ASAP1: variants seen among roughly 807,000 people sequenced by gnomAD.
The protein encoded by ASAP1 is arf-GAP with SH3 domain, ANK repeat and PH domain-containing protein 1.
A neutral mutation model predicts 145.2 loss-of-function variants in ASAP1; 43 were observed. The observed-to-expected ratio is 0.30, with a 90% CI of 0.23 to 0.38. The LOEUF is 0.38. ASAP1 is among the 10% of genes least tolerant of loss of function. The pLI, the probability that ASAP1 is intolerant of heterozygous loss-of-function variation, is 1.00. For synonymous variants in ASAP1, 546 were observed against 515.5 expected, an observed-to-expected ratio of 1.06 and a Z score of -0.80; for missense variants, 1,018 against 1,355.3, an observed-to-expected ratio of 0.75 and a Z score of 3.91.
chr8:130,437,661 G>C (rs542303322), intron 1 of ASAP1, among the ~76,000 whole-genome samples: 1 of 151,992 alleles, frequency 6.6e-6, no homozygotes, highest in South Asian at 2.1e-4. Context: ...GTTACACACA[G>C]GACAAGTTTT....
intron 15 of ASAP1, among the ~76,000 whole-genome samples, chr8:130,129,425 C>G (rs187197804): frequency 3.9e-5 from 6 of 152,254 alleles, no homozygotes; most frequent in African/African-American, 1.2e-4. Flanking sequence ...TTGTGCCTTT[C>G]TATAATTTTT....
At chr8:130,298,185 T>C (rs1253899476) in intron 3 of ASAP1, among the ~76,000 whole-genome samples, 1 of 152,226 alleles carries the variant, frequency 6.6e-6, no homozygotes, top group Non-Finnish European at 1.5e-5. Flanking sequence ...TCCAACACTT[T>C]AGCCCAGTGT....
At chr8:130,079,046 T>A (rs2097472026) in intron 26 of ASAP1, among the ~76,000 whole-genome samples, 1 of 151,852 alleles carries the variant, frequency 6.6e-6, no homozygotes, top group African/African-American at 2.4e-5. Context: ...AATAAAAAAA[T>A]CAGCTGAGTA....
chr8:130,237,037 A>T (rs1586656428), intron 3 of ASAP1, 43 bp from the exon 4 acceptor site: 1 of 1,409,654 alleles, frequency 7.1e-7, no homozygotes, highest in Non-Finnish European at 9.7e-7. Context: ...AAGATTTGGT[A>T]AATTAAAAAA....
At chr8:130,244,484 T>TA (rs1313493718) in intron 3 of ASAP1, among the ~76,000 whole-genome samples, 1 of 152,082 alleles carries the variant, frequency 6.6e-6, no homozygotes, top group East Asian at 1.9e-4. Context: ...TCTGAAAGGG[T>TA]AAGTGGAGTG....
chr8:130,307,935 TA>T (rs1313335075), intron 3 of ASAP1, among the ~76,000 whole-genome samples: 1 of 152,182 alleles, frequency 6.6e-6, no homozygotes, highest in African/African-American at 2.4e-5. Flanking sequence ...TTGAGAGAAA[TA>T]ATGTTTGCAC....
intron 11 of ASAP1, 151 bp from the exon 12 acceptor site, chr8:130,160,115 A>G: frequency 3.1e-6 from 2 of 646,858 alleles, no homozygotes; most frequent in Non-Finnish European, 5.4e-6. Context: ...ATTTTAGAGG[A>G]GGAAACAGGG....
At chr8:130,214,975 A>G (rs1300767325) in intron 4 of ASAP1, among the ~76,000 whole-genome samples, 2 of 151,820 alleles carry the variant, frequency 1.3e-5, no homozygotes, top group African/African-American at 4.8e-5. Flanking sequence ...ATCTCGGCTC[A>G]CTGCACCCTC....
At chr8:130,308,903 A>G (rs1187704477) in intron 3 of ASAP1, among the ~76,000 whole-genome samples, 1 of 152,166 alleles carries the variant, frequency 6.6e-6, no homozygotes, top group Non-Finnish European at 1.5e-5. Flanking sequence ...TTAGCTGGGC[A>G]CGGTGGTGTG....
intron 5 of ASAP1, among the ~76,000 whole-genome samples, chr8:130,206,220 G>A (rs1816210343): frequency 1.3e-5 from 2 of 152,068 alleles, no homozygotes; most frequent in South Asian, 2.1e-4. Context: ...TAGATCAAAC[G>A]CTGAAAACTG....
At chr8:130,357,153 T>C (rs190884474) in intron 3 of ASAP1, among the ~76,000 whole-genome samples, 2 of 152,190 alleles carry the variant, frequency 1.3e-5, no homozygotes, top group African/African-American at 4.8e-5. Context: ...CACTCTCTCA[T>C]TAACTCACTG....
chr8:130,409,511 T>G (rs1266193573), intron 1 of ASAP1, among the ~76,000 whole-genome samples: 1 of 152,136 alleles, frequency 6.6e-6, no homozygotes, highest in East Asian at 1.9e-4. Context: ...CCAGCATGCA[T>G]GTGTTTGAGA....
intron 3 of ASAP1, among the ~76,000 whole-genome samples, chr8:130,250,911 C>T (rs544667721): frequency 6.6e-6 from 1 of 152,202 alleles, no homozygotes; most frequent in South Asian, 2.1e-4. Flanking sequence ...TACATTCTAA[C>T]GATATCTTTT....
At chr8:130,193,395 CA>C (rs917344393) in intron 5 of ASAP1, among the ~76,000 whole-genome samples, 12 of 150,654 alleles carry the variant, frequency 8.0e-5, no homozygotes, top group East Asian at 1.9e-4. Flanking sequence ...AAACAAAAGA[CA>C]AAAAAAACCC....
At chr8:130,343,404 G>A (rs898564600) in intron 3 of ASAP1, among the ~76,000 whole-genome samples, 1 of 152,032 alleles carries the variant, frequency 6.6e-6, no homozygotes, top group Non-Finnish European at 1.5e-5. Flanking sequence ...ACTCCTACTC[G>A]CTTGATGTAA....
At chr8:130,291,527 T>A (rs761822249) in intron 3 of ASAP1, among the ~76,000 whole-genome samples, 1 of 151,950 alleles carries the variant, frequency 6.6e-6, no homozygotes, top group Non-Finnish European at 1.5e-5. Flanking sequence ...ATAATACTTA[T>A]TACCTTCCTA....
chr8:130,109,212 G>A (rs1274993962), intron 24 of ASAP1, among the ~76,000 whole-genome samples: 2 of 152,122 alleles, frequency 1.3e-5, no homozygotes, highest in African/African-American at 4.8e-5. Context: ...CATCTGAAGA[G>A]GGGTTAGGCA....
intron 2 of ASAP1, among the ~76,000 whole-genome samples, chr8:130,384,824 CAACA>C: frequency 6.6e-6 from 1 of 152,184 alleles, no homozygotes; most frequent in East Asian, 1.9e-4. Flanking sequence ...TTTGTTCTTT[CAACA>C]AACATTTACT....
intron 5 of ASAP1, among the ~76,000 whole-genome samples, chr8:130,194,813 G>A (rs1235300740): frequency 2.0e-5 from 3 of 151,930 alleles, no homozygotes; most frequent in Admixed American, 6.6e-5. Context: ...CTCACCCACC[G>A]CTCACCTCCT....
Sources: gnomAD v4.1 joint callset for allele counts (sites outside exome capture counted in the v4.1 genomes callset) on GRCh38, gnomAD v4.1.1 for gene constraint, MANE v1.5 for transcripts, NCBI Gene and HGNC (gene_info 2026-07-23, HGNC 2026-07-21) for gene names.